Variants in MACROD2 observed in about 807,000 individuals in gnomAD.
MACROD2 encodes ADP-ribose glycohydrolase MACROD2.
Under a neutral mutation model 70.4 loss-of-function variants are expected in MACROD2, and 36 were observed. That is an observed-to-expected ratio of 0.51 (90% confidence interval 0.39 to 0.68). MACROD2 has a LOEUF of 0.68. Ranked by LOEUF, MACROD2 falls within the 30% of genes least tolerant of loss-of-function variation. The pLI, the probability that MACROD2 is intolerant of heterozygous loss-of-function variation, is 0.00. For synonymous variants in MACROD2, 172 were observed against 178.8 expected (o/e 0.96, Z 0.30); for missense variants, 496 against 538.4 (o/e 0.92, Z 0.78).
intron 6 of MACROD2, among the ~76,000 whole-genome samples, chr20:15,292,505 G>C (rs998908210): frequency 1.3e-5 from 2 of 152,156 alleles, no homozygotes; most frequent in Non-Finnish European, 2.9e-5. Flanking sequence ...TTCAAGATGA[G>C]ATTTTGGTGG....
intron 2 of MACROD2, among the ~76,000 whole-genome samples, chr20:14,073,430 C>G (rs1305027101): frequency 6.6e-6 from 1 of 151,784 alleles, no homozygotes; most frequent in Non-Finnish European, 1.5e-5. Flanking sequence ...AAGAACCATA[C>G]ATATATAGGC....
intron 4 of MACROD2, among the ~76,000 whole-genome samples, chr20:14,537,470 G>A (rs1600356664): frequency 1.3e-5 from 2 of 152,226 alleles, no homozygotes; most frequent in African/African-American, 4.8e-5. Flanking sequence ...TTTCTCTTGG[G>A]GGTGTTTAAT....
At chr20:15,395,008 G>A (rs543706651) in intron 6 of MACROD2, among the ~76,000 whole-genome samples, 3 of 152,268 alleles carry the variant, frequency 2.0e-5, no homozygotes, top group Admixed American at 6.5e-5. Flanking sequence ...TGTCCCTCCA[G>A]GTGCATCAAA....
intron 6 of MACROD2, among the ~76,000 whole-genome samples, chr20:15,254,310 T>A (rs1480617317): frequency 6.6e-6 from 1 of 152,060 alleles, no homozygotes; most frequent in Non-Finnish European, 1.5e-5. Flanking sequence ...AAAAGGAAAA[T>A]CAAAGCGTAT....
intron 4 of MACROD2, among the ~76,000 whole-genome samples, chr20:14,557,002 C>T (rs1979077079): frequency 6.6e-6 from 1 of 151,886 alleles, no homozygotes; most frequent in South Asian, 2.1e-4. Context: ...ATGAAGACAA[C>T]ATGGGGCTGG....
At chr20:15,976,063 T>G (rs1288443895) in intron 13 of MACROD2, among the ~76,000 whole-genome samples, 1 of 152,232 alleles carries the variant, frequency 6.6e-6, no homozygotes, top group Non-Finnish European at 1.5e-5. Context: ...GAAACAGTCT[T>G]TGTTCTTAAG....
At chr20:15,801,236 C>A (rs193202178) in intron 8 of MACROD2, among the ~76,000 whole-genome samples, 52 of 145,154 alleles carry the variant, frequency 3.6e-4, no homozygotes, top group African/African-American at 1.2e-3. Flanking sequence ...AAAAACTGGA[C>A]AGTGGATGGT....
intron 9 of MACROD2, among the ~76,000 whole-genome samples, chr20:15,879,151 A>T (rs1416911828): frequency 1.3e-5 from 2 of 152,086 alleles, no homozygotes; most frequent in Non-Finnish European, 2.9e-5. Flanking sequence ...CTATTTAGAA[A>T]TAGTATTTCT....
intron 6 of MACROD2, among the ~76,000 whole-genome samples, chr20:15,303,684 A>C (rs2077668692): frequency 6.6e-6 from 1 of 152,330 alleles, no homozygotes; most frequent in East Asian, 1.9e-4. Flanking sequence ...ACCATTTATC[A>C]GTTTCTTCTA....
chr20:14,745,946 A>G (rs2071794188), intron 5 of MACROD2, among the ~76,000 whole-genome samples: 1 of 152,154 alleles, frequency 6.6e-6, no homozygotes, highest in African/African-American at 2.4e-5. Flanking sequence ...AGAGAGCTGT[A>G]TATTAATCTC....
chr20:15,088,297 A>C (rs1386931290), intron 5 of MACROD2, among the ~76,000 whole-genome samples: 1 of 151,024 alleles, frequency 6.6e-6, no homozygotes, highest in African/African-American at 2.4e-5. Context: ...CAAATATGGG[A>C]CATCCATCCT....
intron 3 of MACROD2, among the ~76,000 whole-genome samples, chr20:14,487,625 A>T (rs74398373): frequency 0.012 from 1,766 of 152,182 alleles, 32 homozygotes; most frequent in African/African-American, 0.04. Context: ...TTAGTTATAT[A>T]TTTAACAAGT....
intron 4 of MACROD2, among the ~76,000 whole-genome samples, chr20:14,538,202 C>A (rs1482075786): frequency 2.6e-5 from 4 of 152,198 alleles, no homozygotes; most frequent in South Asian, 2.1e-4. Flanking sequence ...GGGGGTGGAG[C>A]ATATGACCTG....
chr20:15,840,343 A>T (rs2064156961), intron 8 of MACROD2, among the ~76,000 whole-genome samples: 1 of 152,154 alleles, frequency 6.6e-6, no homozygotes, highest in African/African-American at 2.4e-5. Context: ...TTAGTGCCAT[A>T]ATTCTTCAGC....
chr20:14,788,209 G>A (rs2072398450), intron 5 of MACROD2, among the ~76,000 whole-genome samples: 1 of 152,066 alleles, frequency 6.6e-6, no homozygotes, highest in African/African-American at 2.4e-5. Context: ...GTAGATGGAT[G>A]AGCAGACACA....
At chr20:15,385,968 T>C (rs1268271361) in intron 6 of MACROD2, among the ~76,000 whole-genome samples, 1 of 152,146 alleles carries the variant, frequency 6.6e-6, no homozygotes, top group Non-Finnish European at 1.5e-5. Context: ...AGAGCTAAAA[T>C]CTTTGGTGGT....
intron 8 of MACROD2, among the ~76,000 whole-genome samples, chr20:15,538,089 A>G (rs1267003201): frequency 6.6e-6 from 1 of 152,198 alleles, no homozygotes; most frequent in Non-Finnish European, 1.5e-5. Flanking sequence ...CAAATTGGGG[A>G]GTGGAACGAT....
intron 5 of MACROD2, among the ~76,000 whole-genome samples, chr20:15,016,636 A>G (rs528988911): frequency 6.6e-6 from 1 of 152,002 alleles, no homozygotes; most frequent in South Asian, 2.1e-4. Flanking sequence ...TGCCATGTGT[A>G]TTAGTTTGTT....
chr20:14,298,789 T>C (rs867460163), intron 3 of MACROD2, among the ~76,000 whole-genome samples: 2 of 152,138 alleles, frequency 1.3e-5, no homozygotes. Context: ...TTTGAAGAGC[T>C]CAAGATTTCA....
Sources: allele counts gnomAD v4.1 joint callset (sites outside exome capture counted in the v4.1 genomes callset), GRCh38; gene constraint gnomAD v4.1.1; transcripts MANE v1.5; gene names NCBI Gene and HGNC (gene_info 2026-07-23, HGNC 2026-07-21).